PDE7B: variants seen among roughly 807,000 people sequenced by gnomAD.
PDE7B encodes 3',5'-cyclic-AMP phosphodiesterase 7B.
PDE7B carries 29 observed loss-of-function variants against 56.2 expected under a neutral mutation model. The observed-to-expected ratio is 0.52, with a 90% CI of 0.38 to 0.70. The LOEUF (loss-of-function observed/expected upper bound fraction) is 0.70. Among genes scored for constraint, PDE7B ranks in the 30% least tolerant of loss-of-function variants. The pLI, the probability that PDE7B is intolerant of heterozygous loss-of-function variation, is 0.00. For synonymous variants in PDE7B, 197 were observed against 196.9 expected, an observed-to-expected ratio of 1.00 and a Z score of 0.00; for missense variants, 490 against 565.0, an observed-to-expected ratio of 0.87 and a Z score of 1.35.
At chr6:136,041,208 C>T (rs1020472240) in intron 2 of PDE7B, among the ~76,000 whole-genome samples, 1 of 152,122 alleles carries the variant, frequency 6.6e-6, no homozygotes, top group Non-Finnish European at 1.5e-5. Flanking sequence ...CCCAGTGTTT[C>T]TTTTCCTTAG....
At chr6:136,015,150 G>A (rs1410191453) in intron 2 of PDE7B, among the ~76,000 whole-genome samples, 2 of 152,162 alleles carry the variant, frequency 1.3e-5, no homozygotes, top group South Asian at 4.1e-4. Flanking sequence ...GAAGCTGGTG[G>A]GATTCTTTTT....
chr6:136,173,895 G>A lies in PDE7B; in HGVS notation c.803+7G>A. The A allele has an allele frequency of 1.3e-6, 2 of 1,596,406 alleles. No homozygotes were observed. Among genetic ancestry groups the A allele is most frequent in the East Asian group, 2.2e-5 (1 of 44,804 alleles). On this transcript the variant is annotated splice_region_variant and intron_variant, in intron 9 of 12. Coordinates refer to ENST00000308191, the MANE Select transcript of PDE7B (RefSeq NM_018945.4). ...ATTTGCCAAAGGAAATGACGTAAGT[G>A]CTGCCGAGATGAAACATACTGATGT...
At chr6:136,123,435 T>A (rs2128443646) in intron 3 of PDE7B, among the ~76,000 whole-genome samples, 1 of 152,328 alleles carries the variant, frequency 6.6e-6, no homozygotes, top group South Asian at 2.1e-4. Flanking sequence ...GTTCTTCATA[T>A]CACTGCCAAA....
intron 2 of PDE7B, among the ~76,000 whole-genome samples, chr6:135,997,834 A>C (rs1203804769): frequency 6.6e-6 from 1 of 152,180 alleles, no homozygotes; most frequent in Admixed American, 6.5e-5. Flanking sequence ...GAAAGATAAC[A>C]GAGTATTAGC....
At chr6:136,118,971 C>T (rs1363021780) in intron 3 of PDE7B, among the ~76,000 whole-genome samples, 1 of 152,172 alleles carries the variant, frequency 6.6e-6, no homozygotes, top group African/African-American at 2.4e-5. Flanking sequence ...ACAGACTGCA[C>T]ATTTCATCGC....
At chr6:136,036,334 G>A (rs111881249) in intron 2 of PDE7B, among the ~76,000 whole-genome samples, 3,947 of 152,284 alleles carry the variant, frequency 0.026, 180 homozygotes, top group African/African-American at 0.088. Context: ...GTTATAGAAA[G>A]AGCTGCTAGA....
intron 3 of PDE7B, among the ~76,000 whole-genome samples, chr6:136,115,950 TG>T (rs1242326280): frequency 6.6e-6 from 1 of 152,210 alleles, no homozygotes; most frequent in Non-Finnish European, 1.5e-5. Context: ...ATGCTATATC[TG>T]GGCAGAAAAT....
At chr6:135,877,752 C>CAAAAAAA (rs75061563) in intron 1 of PDE7B, among the ~76,000 whole-genome samples, 1 of 89,178 alleles carries the variant, frequency 1.1e-5, no homozygotes, top group African/African-American at 2.9e-5. Flanking sequence ...CAAAACAAAA[C>CAAAAAAA]AAAAAAAAAA....
intron 2 of PDE7B, among the ~76,000 whole-genome samples, chr6:136,004,072 C>T (rs901568575): frequency 3.5e-4 from 53 of 152,128 alleles, no homozygotes; most frequent in African/African-American, 1.1e-3. Flanking sequence ...AAATGTAATC[C>T]AGCATATAAA....
chr6:136,038,254 C>A (rs906584332), intron 2 of PDE7B: 1 of 1,300,148 alleles, frequency 7.7e-7, no homozygotes, highest in African/African-American at 1.5e-5. Flanking sequence ...GCAGCACCAC[C>A]ACCACCACTA....
At chr6:135,870,156 G>A (rs564990204) in intron 1 of PDE7B, among the ~76,000 whole-genome samples, 40 of 152,282 alleles carry the variant, frequency 2.6e-4, no homozygotes, top group African/African-American at 8.2e-4. Flanking sequence ...ACGATGGCCC[G>A]GAGTAAGCTG....
At chr6:135,970,838 G>A (rs964479828) in intron 2 of PDE7B, among the ~76,000 whole-genome samples, 5 of 152,138 alleles carry the variant, frequency 3.3e-5, no homozygotes, top group Non-Finnish European at 7.4e-5. Context: ...TTGGATCCAG[G>A]CAATATTTTG....
intron 3 of PDE7B, among the ~76,000 whole-genome samples, chr6:136,142,456 A>C (rs1778343284): frequency 6.6e-6 from 1 of 152,222 alleles, no homozygotes; most frequent in Admixed American, 6.5e-5. Flanking sequence ...AGAGTTCTGT[A>C]GATGTCTATT....
At chr6:136,145,732 T>C (rs1036361682) in intron 3 of PDE7B, among the ~76,000 whole-genome samples, 2 of 152,206 alleles carry the variant, frequency 1.3e-5, no homozygotes, top group African/African-American at 4.8e-5. Context: ...TCTGTCCTTA[T>C]GGAATACTTC....
At chr6:136,037,591 T>G (rs988043099) in intron 2 of PDE7B, 1 of 985,288 alleles carries the variant, frequency 1.0e-6, no homozygotes, top group African/African-American at 1.7e-5. Context: ...GCAGATTGGC[T>G]CTGCAGACTC....
At chr6:136,053,256 T>C (rs1776666301) in intron 2 of PDE7B, among the ~76,000 whole-genome samples, 1 of 134,496 alleles carries the variant, frequency 7.4e-6, no homozygotes, top group Non-Finnish European at 1.5e-5. Flanking sequence ...CCCCTTCCTG[T>C]GTCCATGTGT....
intron 1 of PDE7B, among the ~76,000 whole-genome samples, chr6:135,935,216 A>ATATATATATATT (rs1363801314): frequency 2.1e-5 from 2 of 96,594 alleles, no homozygotes; most frequent in South Asian, 6.1e-4. Context: ...ATATATATAT[A>ATATATATATATT]TTTTCATGAT....
At chr6:136,110,989 T>C (rs1022836348) in intron 3 of PDE7B, 5 of 152,206 alleles carry the variant, frequency 3.3e-5, no homozygotes, top group African/African-American at 1.2e-4. Flanking sequence ...CCCCACCTGG[T>C]ACTCACAATC....
In PDE7B at chr6:136,038,452, G is replaced by T. The variant is rs776798582; in HGVS notation, c.83-70279G>T. On this transcript the variant is annotated intron_variant, in intron 2 of 12. Coordinates refer to ENST00000308191, the MANE Select transcript of PDE7B (RefSeq NM_018945.4). ...TGATCAGGATGGTAAAGCTGGTTTG[G>T]AAATCCAAAAGTGAGCTGCAGGCGA... 3.1e-6 allele frequency: 4 copies of T among 1,290,098 alleles called. No individual in the cohort carries two copies. The East Asian group carries it at 2.2e-4, about 71-fold the overall frequency. 79.9% of individuals were successfully genotyped at this position (1,290,098 alleles called of 1,614,324 possible). A position where few individuals can be genotyped will look rare whatever the true frequency, so the allele number is the denominator to read the frequency against.
Sources: allele counts gnomAD v4.1 joint callset (sites outside exome capture counted in the v4.1 genomes callset), GRCh38; gene constraint gnomAD v4.1.1; transcripts MANE v1.5; gene names NCBI Gene and HGNC (gene_info 2026-07-23, HGNC 2026-07-21).